PLEKHA7: variants seen among roughly 807,000 people sequenced by gnomAD.
The protein encoded by PLEKHA7 is pleckstrin homology domain containing A7.
In PLEKHA7, 104 loss-of-function variants were observed where a neutral mutation model predicts 170.0. The observed-to-expected ratio is 0.61, with a 90% CI of 0.52 to 0.72. PLEKHA7 has a LOEUF of 0.72. Among genes scored for constraint, PLEKHA7 ranks in the 30% least tolerant of loss-of-function variants. PLEKHA7 has a pLI of 0.00. For missense variants in PLEKHA7, 1,615 were observed against 1,671.7 expected, an observed-to-expected ratio of 0.97 and a Z score of 0.59; for synonymous variants, 648 against 660.8, an observed-to-expected ratio of 0.98 and a Z score of 0.30.
chr11:16,897,374 T>G (rs557813138), intron 3 of PLEKHA7, among the ~76,000 whole-genome samples: 34 of 152,076 alleles, frequency 2.2e-4, no homozygotes, highest in Non-Finnish European at 3.1e-4. Context: ...CACAGCCCCA[T>G]TCCTCCCCAT....
rs149727407 is a variant in PLEKHA7 at position 17,001,249 on chromosome 11, G to A, written c.221+12740C>T. 5.9e-5 allele frequency among the ~76,000 whole-genome samples: 9 copies of A among 152,218 alleles called. No individual in the cohort carries two copies. The South Asian group carries it at 6.2e-4, about 11-fold the overall frequency. ...GAGCTTCATTTCTCTCCCCAGCACC[G>A]AGTGTCTGGCATAGAGTAGCTGCTT... On this transcript the variant is annotated intron_variant, in intron 3 of 26. Coordinates refer to ENST00000531066, the MANE Select transcript of PLEKHA7 (RefSeq NM_001329630.2).
At chr11:16,859,474 G>A (rs1853753879) in intron 4 of PLEKHA7, among the ~76,000 whole-genome samples, 1 of 152,204 alleles carries the variant, frequency 6.6e-6, no homozygotes, top group Non-Finnish European at 1.5e-5. Flanking sequence ...TGGCTCTGAT[G>A]GAAACTTCTA....
At chr11:16,824,877 A>G (rs1425121851) in intron 10 of PLEKHA7, among the ~76,000 whole-genome samples, 1 of 152,190 alleles carries the variant, frequency 6.6e-6, no homozygotes, top group African/African-American at 2.4e-5. Flanking sequence ...ACAACCACCT[A>G]CCAGGGGCCT....
At chr11:17,006,335 A>C (rs1864990298) in intron 3 of PLEKHA7, among the ~76,000 whole-genome samples, 1 of 151,560 alleles carries the variant, frequency 6.6e-6, no homozygotes. Context: ...TCTAAAAAAA[A>C]AAAAAAAACG....
At chr11:16,841,865 T>A in intron 8 of PLEKHA7, 143 bp from the exon 9 acceptor site, 1 of 775,086 alleles carries the variant, frequency 1.3e-6, no homozygotes, top group Non-Finnish European at 2.0e-6. Context: ...GAAAACATCA[T>A]AGGCTAGATT....
intron 9 of PLEKHA7, among the ~76,000 whole-genome samples, chr11:16,839,667 A>G (rs1221466499): frequency 6.6e-6 from 1 of 152,090 alleles, no homozygotes; most frequent in African/African-American, 2.4e-5. Context: ...CTATTTACAT[A>G]GCATTTACAT....
chr11:16,784,129 A>G lies in PLEKHA7; in HGVS notation c.3517-296T>C, dbSNP rs534072463. Among the ~76,000 whole-genome samples the G allele has an allele frequency of 1.2e-3, 182 of 152,280 alleles. 1 individual carries two copies. The highest frequency in any genetic ancestry group is 1.6e-3 in the Non-Finnish European group (107 of 68,014). On this transcript the variant is annotated intron_variant, in intron 24 of 26. Transcript: ENST00000531066. Reference sequence around the variant, plus strand: ...ATAAAAAATGATCATCCTTAATGCCACCGTCAAGGCCCTAAGTGATCTGAC... The same window carrying G: ...ATAAAAAATGATCATCCTTAATGCCGCCGTCAAGGCCCTAAGTGATCTGAC...
intron 24 of PLEKHA7, among the ~76,000 whole-genome samples, chr11:16,785,809 C>A (rs560744162): frequency 2.6e-5 from 4 of 152,198 alleles, no homozygotes; most frequent in African/African-American, 9.7e-5. Flanking sequence ...TTCCCCTAGT[C>A]AGACTGCCCA....
chr11:16,902,064 A>G (rs1857376930), intron 3 of PLEKHA7, among the ~76,000 whole-genome samples: 1 of 152,216 alleles, frequency 6.6e-6, no homozygotes, highest in Non-Finnish European at 1.5e-5. Flanking sequence ...TATTCTGGAC[A>G]TTCCATATAA....
At position 16,885,465 on chromosome 11, in the gene PLEKHA7, C is replaced by T. The variant is rs748537881; in HGVS notation, c.222-14283G>A. ...CTTGAGGTCAGGAATTTGAGACTAGCCTGGCCAAAACAGTGAAACCTCATC... is the reference window on the plus strand; with the variant it reads ...CTTGAGGTCAGGAATTTGAGACTAGTCTGGCCAAAACAGTGAAACCTCATC... On this transcript the variant is annotated intron_variant, in intron 3 of 26. Coordinates refer to ENST00000531066, the MANE Select transcript of PLEKHA7 (RefSeq NM_001329630.2). Among the ~76,000 whole-genome samples, 7 of 151,170 alleles carry T rather than the reference C, an allele frequency of 4.6e-5. 1 individual carries two copies. Among genetic ancestry groups the T allele is most frequent in the Non-Finnish European group, 8.8e-5 (6 of 67,834 alleles).
At chr11:16,939,500 T>C (rs907361560) in intron 3 of PLEKHA7, among the ~76,000 whole-genome samples, 2 of 152,190 alleles carry the variant, frequency 1.3e-5, no homozygotes, top group Admixed American at 1.3e-4. Flanking sequence ...ATTAAAATAA[T>C]AGGAAATTTT....
intron 20 of PLEKHA7, 31 bp from the exon 21 acceptor site, chr11:16,790,946 G>C: frequency 1.9e-6 from 3 of 1,613,104 alleles, no homozygotes; most frequent in African/African-American, 1.3e-5. Flanking sequence ...GATGTGACCT[G>C]CCAGTGTCAC....
intron 3 of PLEKHA7, among the ~76,000 whole-genome samples, chr11:16,998,002 C>G (rs781495013): frequency 2.0e-5 from 3 of 152,162 alleles, no homozygotes; most frequent in Non-Finnish European, 4.4e-5. Flanking sequence ...CCAGCTCTGC[C>G]GCCTTACACC....
At chr11:16,855,367 C>G (rs1361951299) in intron 5 of PLEKHA7, among the ~76,000 whole-genome samples, 1 of 152,206 alleles carries the variant, frequency 6.6e-6, no homozygotes, top group Non-Finnish European at 1.5e-5. Flanking sequence ...GTTCAACCCT[C>G]AGCACTCTCC....
At chr11:16,786,165 G>A (rs1849377861) in intron 24 of PLEKHA7, 64 bp downstream of exon 24, 3 of 1,515,198 alleles carry the variant, frequency 2.0e-6, no homozygotes, top group Non-Finnish European at 2.6e-6. Flanking sequence ...GTGGGAAGGT[G>A]GATCAGGCTG....
At chr11:16,983,233 A>G (rs891233192) in intron 3 of PLEKHA7, among the ~76,000 whole-genome samples, 5 of 152,230 alleles carry the variant, frequency 3.3e-5, no homozygotes, top group Admixed American at 3.3e-4. Flanking sequence ...GGAACTTCCT[A>G]TCAATGAGAA....
At chr11:16,916,271 T>G (rs959238956) in intron 3 of PLEKHA7, among the ~76,000 whole-genome samples, 1 of 152,226 alleles carries the variant, frequency 6.6e-6, no homozygotes, top group Non-Finnish European at 1.5e-5. Context: ...CTTTGTCAGA[T>G]GAGTAGGTTG....
chr11:16,800,369 A>G (rs1848512445), intron 17 of PLEKHA7, among the ~76,000 whole-genome samples: 1 of 152,184 alleles, frequency 6.6e-6, no homozygotes, highest in Non-Finnish European at 1.5e-5. Flanking sequence ...AGAGGCAGCT[A>G]TCAATAGGGT....
intron 3 of PLEKHA7, among the ~76,000 whole-genome samples, chr11:16,884,439 C>G (rs1276550936): frequency 6.6e-6 from 1 of 152,158 alleles, no homozygotes; most frequent in Non-Finnish European, 1.5e-5. Flanking sequence ...TTGAGACCAG[C>G]CTGGCCAACA....
Sources: gnomAD v4.1 joint callset for allele counts (sites outside exome capture counted in the v4.1 genomes callset) on GRCh38, gnomAD v4.1.1 for gene constraint, MANE v1.5 for transcripts, NCBI Gene and HGNC (gene_info 2026-07-23, HGNC 2026-07-21) for gene names.